GPC5: variants seen among roughly 807,000 people sequenced by gnomAD.
GPC5 encodes glypican 5.
In GPC5, 47 loss-of-function variants were observed where a neutral mutation model predicts 53.9. The ratio of observed to expected loss-of-function variants is 0.87; its 90% CI spans 0.69 to 1.11. The LOEUF is 1.11. Ranked by LOEUF, GPC5 falls within the 50% of genes most tolerant of loss-of-function variation. GPC5 has a pLI of 0.00. For synonymous variants in GPC5, 286 were observed against 263.3 expected, an observed-to-expected ratio of 1.09 and a Z score of -0.84; for missense variants, 748 against 713.1, an observed-to-expected ratio of 1.05 and a Z score of -0.56.
At chr13:92,112,246 A>G (rs749009175) in intron 6 of GPC5, among the ~76,000 whole-genome samples, 8 of 152,164 alleles carry the variant, frequency 5.3e-5, no homozygotes, top group Non-Finnish European at 1.2e-4. Flanking sequence ...ACATCAGCCT[A>G]TAAGGCATAA....
At chr13:92,029,969 G>T (rs577159202) in intron 6 of GPC5, among the ~76,000 whole-genome samples, 4 of 152,094 alleles carry the variant, frequency 2.6e-5, no homozygotes, top group Non-Finnish European at 5.9e-5. Flanking sequence ...AGTACTAGGA[G>T]AATTGTTTGG....
intron 1 of GPC5, among the ~76,000 whole-genome samples, chr13:91,412,854 A>G (rs1032631015): frequency 6.6e-6 from 1 of 152,254 alleles, no homozygotes; most frequent in African/African-American, 2.4e-5. Context: ...ACATATTCCA[A>G]GAAAGTAATT....
chr13:91,889,794 C>T (rs2039365311), intron 5 of GPC5, among the ~76,000 whole-genome samples: 1 of 152,138 alleles, frequency 6.6e-6, no homozygotes, highest in Admixed American at 6.6e-5. Flanking sequence ...ACTACTTGAC[C>T]TCAACAAAAG....
At chr13:92,166,309 G>A (rs1434567200) in intron 7 of GPC5, among the ~76,000 whole-genome samples, 1 of 152,158 alleles carries the variant, frequency 6.6e-6, no homozygotes, top group Non-Finnish European at 1.5e-5. Flanking sequence ...TCTAATTGCA[G>A]TTCTGCTAAT....
At chr13:92,051,991 A>G (rs148477616) in intron 6 of GPC5, among the ~76,000 whole-genome samples, 4 of 152,312 alleles carry the variant, frequency 2.6e-5, no homozygotes, top group East Asian at 3.9e-4. Context: ...CAAATGATCA[A>G]TTTTGAAATA....
At chr13:91,407,549 G>A (rs1185713536) in intron 1 of GPC5, among the ~76,000 whole-genome samples, 1 of 152,170 alleles carries the variant, frequency 6.6e-6, no homozygotes, top group East Asian at 1.9e-4. Flanking sequence ...GGAATGGTTG[G>A]CTTGTGTATT....
rs539691440 is a variant in GPC5 at position 92,525,280 on chromosome 13, C to T, written c.1562-341002C>T. Among the ~76,000 whole-genome samples the T allele has an allele frequency of 2.0e-5, 3 of 152,124 alleles. No individual in the cohort carries two copies. The East Asian group carries it at 5.8e-4, about 29-fold the overall frequency. ...ATCTACACAGTGGAGAGATTTTGCG[C>T]TGTTTATCATAGTACTCTGAATTGT... On this transcript the variant is annotated intron_variant, in intron 7 of 7. Transcript: ENST00000377067.
At chr13:92,172,680 C>G (rs2042078941) in intron 7 of GPC5, among the ~76,000 whole-genome samples, 1 of 151,968 alleles carries the variant, frequency 6.6e-6, no homozygotes, top group Non-Finnish European at 1.5e-5. Context: ...AGAGAAAGAG[C>G]CATTTATAAA....
intron 7 of GPC5, among the ~76,000 whole-genome samples, chr13:92,462,138 G>T (rs1403180010): frequency 6.6e-6 from 1 of 152,146 alleles, no homozygotes; most frequent in African/African-American, 2.4e-5. Context: ...GAGTGACAGC[G>T]GAAGCCACTA....
chr13:91,496,895 T>C (rs377078562), intron 2 of GPC5, among the ~76,000 whole-genome samples: 5 of 152,182 alleles, frequency 3.3e-5, no homozygotes, highest in African/African-American at 1.2e-4. Flanking sequence ...CCCATAAATA[T>C]ATGCACCTAA....
At chr13:92,345,029 A>G (rs2043398856) in intron 7 of GPC5, among the ~76,000 whole-genome samples, 1 of 152,212 alleles carries the variant, frequency 6.6e-6, no homozygotes, top group African/African-American at 2.4e-5. Flanking sequence ...GAACAGATGG[A>G]CCAGTACTTT....
At chr13:92,350,556 T>C (rs1043567209) in intron 7 of GPC5, among the ~76,000 whole-genome samples, 13 of 152,188 alleles carry the variant, frequency 8.5e-5, no homozygotes, top group African/African-American at 3.1e-4. Context: ...AGCGAGATTA[T>C]GGTCAAATGG....
At chr13:92,458,915 C>T (rs1382663704) in intron 7 of GPC5, among the ~76,000 whole-genome samples, 6 of 152,096 alleles carry the variant, frequency 3.9e-5, no homozygotes. Context: ...TTTTAAGCAA[C>T]CCACGTGCTT....
intron 2 of GPC5, among the ~76,000 whole-genome samples, chr13:91,572,231 G>GTA (rs1566517738): frequency 1.6e-5 from 2 of 128,014 alleles, no homozygotes; most frequent in African/African-American, 7.1e-5. Context: ...ATACACATAT[G>GTA]TATATACATG....
intron 6 of GPC5, among the ~76,000 whole-genome samples, chr13:91,951,065 C>T (rs902313776): frequency 6.6e-6 from 1 of 152,154 alleles, no homozygotes; most frequent in African/African-American, 2.4e-5. Context: ...TATCACTCTA[C>T]AGCTAGTTTA....
intron 4 of GPC5, among the ~76,000 whole-genome samples, chr13:91,733,063 C>A (rs1476895833): frequency 6.6e-6 from 1 of 152,120 alleles, no homozygotes; most frequent in Non-Finnish European, 1.5e-5. Context: ...TGAAGAATGT[C>A]AATGGTAGTT....
Position 92,173,564 on chromosome 13 carries a change from A to T in GPC5, c.1561+28575A>T, listed in dbSNP as rs1473577980. 2.6e-5 allele frequency among the ~76,000 whole-genome samples: 4 copies of T among 152,090 alleles called. No homozygotes were observed. In the East Asian group the frequency reaches 7.7e-4, roughly 29 times the overall value. ...TACTTTCTATCAAAATTACTTATTCAAATTTTGCTAATTTTTTAGGAGTTG... is the reference window on the plus strand; with the variant it reads ...TACTTTCTATCAAAATTACTTATTCTAATTTTGCTAATTTTTTAGGAGTTG... On this transcript the variant is annotated intron_variant, in intron 7 of 7. Coordinates refer to ENST00000377067, the MANE Select transcript of GPC5 (RefSeq NM_004466.6).
rs146645373 is a variant in GPC5, at chr13:92,641,718, TG to T, written c.1562-224563del. Among the ~76,000 whole-genome samples, 90 of 152,328 alleles carry T rather than the reference TG, an allele frequency of 5.9e-4. 1 individual carries two copies. Among genetic ancestry groups the T allele is most frequent in the Non-Finnish European group, 1.0e-3 (71 of 68,026 alleles). On this transcript the variant is annotated intron_variant, in intron 7 of 7. Transcript: ENST00000377067. The stretch of plus-strand genomic sequence containing the variant: ...TTTTATATTGTAGTTTTTGTAGTTA[TG>T]TTTTTTATTCTGTTCCCAGGTATCA...
chr13:91,813,252 GCCTTTTTCT>G, intron 5 of GPC5, among the ~76,000 whole-genome samples: 1 of 152,192 alleles, frequency 6.6e-6, no homozygotes, highest in Non-Finnish European at 1.5e-5. Flanking sequence ...GGTCCAAGAA[GCCTTTTTCT>G]CCCCTTTGCA....
Sources: allele counts gnomAD v4.1 joint callset (sites outside exome capture counted in the v4.1 genomes callset), GRCh38; gene constraint gnomAD v4.1.1; transcripts MANE v1.5; gene names NCBI Gene and HGNC (gene_info 2026-07-23, HGNC 2026-07-21).